Variants in ITGAV observed in about 807,000 individuals in gnomAD.
The protein encoded by ITGAV is integrin alpha-V.
In ITGAV, 76 loss-of-function variants were observed where a neutral mutation model predicts 143.8. That is an observed-to-expected ratio of 0.53 (90% CI 0.44 to 0.64). The LOEUF is 0.64. Ranked by LOEUF, ITGAV falls within the 30% of genes least tolerant of loss-of-function variation. The probability of loss-of-function intolerance (pLI) is 0.00; values close to 1 mark genes in which losing one functional copy is unlikely to be tolerated. For missense variants in ITGAV, 1,193 were observed against 1,274.7 expected, an observed-to-expected ratio of 0.94 and a Z score of 0.98; for synonymous variants, 453 against 446.7, an observed-to-expected ratio of 1.01 and a Z score of -0.18.
Position 186,590,355 on chromosome 2 carries a change from G to C in ITGAV, c.17G>C (p.Arg6Pro), listed in dbSNP as rs572317414. The C allele has an allele frequency of 1.8e-4, 281 of 1,583,010 alleles. No individual in the cohort carries two copies. In the South Asian group the frequency reaches 2.9e-3, roughly 17 times the overall value. Residue 6 changes from arginine (R) to proline (P), a missense_variant, in exon 1 of 30, where the codon CGG (arginine) becomes CCG (proline). Physicochemically the swap from Arg to Pro is moderately radical, Grantham distance 103 (BLOSUM62 -2). Transcript: ENST00000261023. Reference protein sequence around the residue: MAFPPRRRLRLGPRGL... With the variant: MAFPPPRRLRLGPRGL... ...ACTTCGGCGATGGCTTTTCCGCCGC[G>C]GCGACGGCTGCGCCTCGGTCCCCGC...
At chr2:186,627,327 C>A (rs572933994) in intron 4 of ITGAV, among the ~76,000 whole-genome samples, 1 of 152,202 alleles carries the variant, frequency 6.6e-6, no homozygotes, top group South Asian at 2.1e-4. Flanking sequence ...CCAAGTTGTT[C>A]TATTCCAAAA....
Position 186,630,485 on chromosome 2 carries a change from G to A in ITGAV, c.524-312G>A, listed in dbSNP as rs61763655. ...ATTTTATACACACAATGGGTGTTGG[G>A]TTGTGATATAAATTATAATCTTTTT... On this transcript the variant is annotated intron_variant, in intron 4 of 29. Coordinates refer to ENST00000261023, the MANE Select transcript of ITGAV (RefSeq NM_002210.5). Among the ~76,000 whole-genome samples, 431 of 152,058 alleles carry A rather than the reference G, an allele frequency of 2.8e-3. 1 individual carries two copies. Among genetic ancestry groups the A allele is most frequent in the African/African-American group, 0.01 (417 of 41,508 alleles).
chr2:186,648,560 G>T (rs975411800), intron 13 of ITGAV, among the ~76,000 whole-genome samples: 3 of 152,182 alleles, frequency 2.0e-5, no homozygotes, highest in Admixed American at 1.3e-4. Flanking sequence ...CACCGCCCGG[G>T]TTCAAGAGAG....
chr2:186,654,661 G>A lies in ITGAV; in HGVS notation c.1517G>A (p.Arg506Lys). ...TALKVSCFNV[R>K]FCLKADGKGV... ...TTATTTTTCCACAGTTTTAATGTTA[G>A]GTTCTGCTTAAAGGCAGATGGCAAA... Residue 506 changes from arginine (R) to lysine (K), a missense_variant, in exon 16 of 30, where the codon AGG becomes AAG. Transcript: ENST00000261023. 1 of 1,531,610 alleles carries A rather than the reference G, an allele frequency of 6.5e-7. No homozygotes were observed. Among genetic ancestry groups the A allele is most frequent in the Non-Finnish European group, 9.0e-7 (1 of 1,114,212 alleles). 94.9% of individuals were successfully genotyped at this position (1,531,610 alleles called of 1,614,324 possible).
intron 26 of ITGAV, among the ~76,000 whole-genome samples, chr2:186,674,741 ACC>A (rs1689162173): frequency 6.6e-6 from 1 of 151,780 alleles, no homozygotes; most frequent in Admixed American, 6.6e-5. Context: ...CGAACTCCTG[ACC>A]TCAAGCGATA....
chr2:186,646,927 C>A, intron 13 of ITGAV, 50 bp downstream of exon 13: 2 of 1,174,994 alleles, frequency 1.7e-6, no homozygotes, highest in Non-Finnish European at 2.4e-6. Flanking sequence ...GTCCTAATAG[C>A]AAATAGTATT....
At chr2:186,610,555 C>T (rs1183514640) in intron 2 of ITGAV, among the ~76,000 whole-genome samples, 1 of 152,014 alleles carries the variant, frequency 6.6e-6, no homozygotes, top group East Asian at 1.9e-4. Context: ...TAGCAGTTGC[C>T]CTCTTGGATT....
Position 186,656,252 on chromosome 2 carries a change from C to T in ITGAV, c.1570C>T (p.Gln524Ter), listed in dbSNP as rs1688579251. The change falls in exon 17 of 30, where the codon CAG becomes TAG. Residue 524 changes from glutamine (Q) to a stop codon, truncating the protein, a stop_gained. Transcript: ENST00000261023. LOFTEE classifies it high-confidence loss of function. ...AAATCCTTTGGTTTACATAGATTTC[C>T]AGGTGGAACTTCTTTTGGATAAACT... is the stretch of plus-strand genomic sequence containing the variant. Reference protein sequence around the residue: ...KGVLPRKLNFQVELLLDKLKQ... With the variant: ...KGVLPRKLNF The T allele has an allele frequency of 6.3e-7, 1 of 1,579,220 alleles. No homozygotes were observed.
rs201231113 is a variant in ITGAV, at chr2:186,602,133, A to G, written c.298A>G (p.Ile100Val). The G allele has an allele frequency of 6.1e-5, 98 of 1,608,410 alleles. No individual in the cohort carries two copies. Among genetic ancestry groups the G allele is most frequent in the South Asian group, 2.1e-4 (19 of 89,230 alleles). Residue 100 changes from isoleucine to valine, a missense_variant, in exon 2 of 30, where the codon ATT becomes GTT. Coordinates refer to ENST00000261023, the MANE Select transcript of ITGAV (RefSeq NM_002210.5). ...GTCTTCTACCCGCCGGTGCCAGCCA[A>G]TTGAATTTGATGCAACAGGTAAATT... ...DWSSTRRCQP[I>V]EFDATGNRDY...
rs1224903481 is a variant in ITGAV at position 186,654,671 on chromosome 2, A to G, written c.1527A>G (p.Leu509=). ...ACAGTTTTAATGTTAGGTTCTGCTTAAAGGCAGATGGCAAAGGAGTACTTC... is the reference window on the plus strand; with the variant it reads ...ACAGTTTTAATGTTAGGTTCTGCTTGAAGGCAGATGGCAAAGGAGTACTTC... ...KVSCFNVRFC[L]KADGKGVLPR... is the part of the protein sequence containing the mutation. The change falls in exon 16 of 30, where the codon TTA becomes TTG. Residue 509 remains leucine, a synonymous_variant. Coordinates refer to ENST00000261023, the MANE Select transcript of ITGAV (RefSeq NM_002210.5). 2 of 1,553,860 alleles carry G rather than the reference A, an allele frequency of 1.3e-6. No homozygotes were observed. Among genetic ancestry groups the G allele is most frequent in the South Asian group, 2.3e-5 (2 of 86,968 alleles).
At position 186,630,067 on chromosome 2, in the gene ITGAV, A is replaced by G. The variant is rs530289280; in HGVS notation, c.524-730A>G. On this transcript the variant is annotated intron_variant, in intron 4 of 29. Transcript: ENST00000261023. The stretch of plus-strand genomic sequence containing the variant: ...ATTTAAAGATGGTTACTTTAATTAG[A>G]TCTCCGTACTAAACGTGGGAGGATA... Among the ~76,000 whole-genome samples, 159 of 152,164 alleles carry G rather than the reference A, an allele frequency of 1.0e-3. 1 individual carries two copies. Among genetic ancestry groups the G allele is most frequent in the African/African-American group, 3.7e-3 (155 of 41,570 alleles).
At chr2:186,652,931 A>AT (rs35139936) in intron 15 of ITGAV, among the ~76,000 whole-genome samples, 3,361 of 82,270 alleles carry the variant, frequency 0.041, 268 homozygotes, top group African/African-American at 0.1. Context: ...TTCATTATAG[A>AT]TTTTTTTTTT....
chr2:186,609,930 G>C (rs552855260), intron 2 of ITGAV, among the ~76,000 whole-genome samples: 3 of 152,074 alleles, frequency 2.0e-5, no homozygotes, highest in Admixed American at 6.6e-5. Context: ...TACTCTAAAG[G>C]TCTAGCCAAA....
chr2:186,654,104 G>A (rs751505228), intron 15 of ITGAV, among the ~76,000 whole-genome samples: 4 of 152,082 alleles, frequency 2.6e-5, no homozygotes, highest in Non-Finnish European at 5.9e-5. Context: ...AGACCAAGGC[G>A]GGCGAATCAC....
chr2:186,649,739 T>C (rs543364690), intron 13 of ITGAV, 101 bp from the exon 14 acceptor site: 5 of 758,928 alleles, frequency 6.6e-6, no homozygotes, highest in African/African-American at 5.4e-5. Context: ...GTTTTGAGAA[T>C]TTGTTCAAAC....
intron 17 of ITGAV, among the ~76,000 whole-genome samples, chr2:186,657,520 C>T (rs1006698635): frequency 2.6e-5 from 4 of 152,134 alleles, no homozygotes; most frequent in African/African-American, 9.7e-5. Flanking sequence ...TGGAAATTTA[C>T]TTGCAACCGT....
rs557463326 is a variant in ITGAV, at chr2:186,651,895, A to G, written c.1398-87A>G. 9 of 692,664 alleles carry G rather than the reference A, an allele frequency of 1.3e-5. No homozygotes were observed. The African/African-American group carries it at 1.6e-4, about 12-fold the overall frequency. The allele number at this position is 692,664 out of a possible 1,614,324, so 42.9% of individuals were successfully genotyped here. On this transcript the variant is annotated intron_variant, in intron 14 of 29. Transcript: ENST00000261023. Reference sequence around the variant, plus strand: ...GCTTTTAGTAGACATGGTACTATATATGTAGTGAATATGAACCAAAAATAT... The same window carrying G: ...GCTTTTAGTAGACATGGTACTATATGTGTAGTGAATATGAACCAAAAATAT...
chr2:186,660,709 T>G (rs1688722072), intron 18 of ITGAV: 1 of 152,218 alleles, frequency 6.6e-6, no homozygotes, highest in South Asian at 2.1e-4. Context: ...TATATCTATA[T>G]TAGTTTTCTA....
intron 13 of ITGAV, among the ~76,000 whole-genome samples, chr2:186,648,613 C>T (rs903248609): frequency 3.3e-5 from 5 of 151,870 alleles, no homozygotes; most frequent in Non-Finnish European, 5.9e-5. Context: ...TACAGGCAGG[C>T]ACCACCACGC....
Sources: gnomAD v4.1 joint callset for allele counts (sites outside exome capture counted in the v4.1 genomes callset) on GRCh38, gnomAD v4.1.1 for gene constraint, MANE v1.5 for transcripts, NCBI Gene and HGNC (gene_info 2026-07-23, HGNC 2026-07-21) for gene names.